The following MAP3K10 variants were observed in gnomAD, a reference collection of about 807,000 sequenced individuals.
MAP3K10 encodes the protein mitogen-activated protein kinase kinase kinase 10, also known as MKN28 derived nonreceptor_type serine/threonine kinase.
MAP3K10 carries 22 observed loss-of-function variants against 75.0 expected under a neutral mutation model. That is an observed-to-expected ratio of 0.29 (90% CI 0.21 to 0.42). The LOEUF (loss-of-function observed/expected upper bound fraction) is 0.42. Ranked by LOEUF, MAP3K10 falls within the 10% of genes least tolerant of loss-of-function variation. The pLI, the probability that MAP3K10 is intolerant of heterozygous loss-of-function variation, is 1.00. For synonymous variants in MAP3K10, 599 were observed against 612.9 expected (o/e 0.98, Z 0.34); for missense variants, 1,165 against 1,379.8 (o/e 0.84, Z 2.47).
intron 5 of MAP3K10, among the ~76,000 whole-genome samples, chr19:40,208,175 GTTT>G (rs1213821746): frequency 1.3e-5 from 2 of 151,122 alleles, no homozygotes; most frequent in Non-Finnish European, 3.0e-5. Context: ...TTTTGTTTTT[GTTT>G]TTGTTTTTTT....
Position 40,213,767 on chromosome 19 carries a change from G to T in MAP3K10, c.2088G>T (p.Ala696=). The T allele has an allele frequency of 1.7e-6, 2 of 1,148,912 alleles. No individual in the cohort carries two copies. Among genetic ancestry groups the T allele is most frequent in the Non-Finnish European group, 2.1e-6 (2 of 931,718 alleles). 71.2% of individuals were successfully genotyped at this position (1,148,912 alleles called of 1,614,324 possible). ...GLGADVAEAR[A]ADGEEQRRWL... ...GCGCCGACGTGGCCGAGGCGCGCGC[G>T]GCCGACGGTGAGGAGCAGCGGCGCT... Residue 696 remains alanine (A), a synonymous_variant, in exon 9 of 10, where the codon GCG becomes GCT. Coordinates refer to ENST00000253055, the MANE Select transcript of MAP3K10 (RefSeq NM_002446.4). This position sits in a 1 kb window ranked among gnomAD's most constrained non-coding sequence, Gnocchi z 5.7.
Position 40,204,081 on chromosome 19 carries a change from A to G in MAP3K10, c.864-404A>G, listed in dbSNP as rs1427926923. 1.3e-5 allele frequency among the ~76,000 whole-genome samples: 2 copies of G among 152,240 alleles called. No homozygotes were observed. The highest frequency in any genetic ancestry group is 1.9e-4 in the East Asian group (1 of 5,176). Reference sequence around the variant, plus strand: ...GCCAAGAAGGATGGATTTAGGTGGGATGCAGTGGCTCATGCCTGTAATCCC... The same window carrying G: ...GCCAAGAAGGATGGATTTAGGTGGGGTGCAGTGGCTCATGCCTGTAATCCC... On this transcript the variant is annotated intron_variant, in intron 2 of 9. Transcript: ENST00000253055. The surrounding 1 kb of genome is among the most constrained non-coding windows in gnomAD (Gnocchi z 4.3).
Position 40,198,303 on chromosome 19 carries a change from G to C in MAP3K10, c.683-72G>C. ...GAGGAAAGACGTGTTTCTAGCTGAG[G>C]CAGCGGGCCAGAACACTTGGGTCTG... is the stretch of plus-strand genomic sequence containing the variant. On this transcript the variant is annotated intron_variant, in intron 1 of 9. Transcript: ENST00000253055. This position sits in a 1 kb window ranked among gnomAD's most constrained non-coding sequence, Gnocchi z 4.3. 1 of 1,423,950 alleles carries C rather than the reference G, an allele frequency of 7.0e-7. No individual in the cohort carries two copies. Among genetic ancestry groups the C allele is most frequent in the East Asian group, 2.3e-5 (1 of 42,922 alleles). The allele number at this position is 1,423,950 out of a possible 1,614,324, so 88.2% of individuals were successfully genotyped here.
At chr19:40,203,445 TAG>T (rs1297666323) in intron 2 of MAP3K10, among the ~76,000 whole-genome samples, 2 of 152,062 alleles carry the variant, frequency 1.3e-5, no homozygotes, top group Non-Finnish European at 2.9e-5. Flanking sequence ...TGGGAGGATG[TAG>T]AGTTTGCAGA....
intron 2 of MAP3K10, among the ~76,000 whole-genome samples, chr19:40,202,307 T>G (rs767041140): frequency 6.6e-6 from 1 of 152,240 alleles, no homozygotes; most frequent in Non-Finnish European, 1.5e-5. Context: ...CCCAAAGTGC[T>G]GGGATTACAG....
In MAP3K10 at chr19:40,215,198, C is replaced by A; in HGVS notation, c.2771C>A (p.Pro924His). The change falls in exon 10 of 10, where the codon CCC (proline) becomes CAC (histidine). Residue 924 changes from proline to histidine, a missense_variant. Transcript: ENST00000253055. Reference protein sequence around the residue: ...SRPDTPESPGPPSVQPTLLDM... With the variant: ...SRPDTPESPGHPSVQPTLLDM... ...CCAGACACTCCGGAGAGCCCTGGGC[C>A]CCCCAGCGTGCAGCCCACACTGCTG... 2 of 1,584,828 alleles carry A rather than the reference C, an allele frequency of 1.3e-6. No homozygotes were observed. Among genetic ancestry groups the A allele is most frequent in the Non-Finnish European group, 1.7e-6 (2 of 1,166,466 alleles).
Position 40,213,416 on chromosome 19 carries a change from G to A in MAP3K10, c.1838-101G>A. 1 of 1,524,808 alleles carries A rather than the reference G, an allele frequency of 6.6e-7. No individual in the cohort carries two copies. Among genetic ancestry groups the A allele is most frequent in the Non-Finnish European group, 8.8e-7 (1 of 1,141,190 alleles). 94.5% of individuals were successfully genotyped at this position (1,524,808 alleles called of 1,614,324 possible). ...TCAAGAACGATGCTCGTGGGTCTTG[G>A]TCTTGCTGTTGGAGGGGTCATCGGG... is the stretch of plus-strand genomic sequence containing the variant. On this transcript the variant is annotated intron_variant, in intron 8 of 9. Transcript: ENST00000253055. The surrounding 1 kb of genome is among the most constrained non-coding windows in gnomAD (Gnocchi z 5.7).
intron 2 of MAP3K10, among the ~76,000 whole-genome samples, chr19:40,199,821 A>G (rs1285497665): frequency 6.6e-6 from 1 of 152,154 alleles, no homozygotes; most frequent in Non-Finnish European, 1.5e-5. Context: ...ATGTATATGA[A>G]AAAGAAATTT....
chr19:40,202,251 A>G (rs533358529), intron 2 of MAP3K10, among the ~76,000 whole-genome samples: 2 of 152,210 alleles, frequency 1.3e-5, no homozygotes, highest in African/African-American at 4.8e-5. Flanking sequence ...CGTGCTAGCC[A>G]GGATGGTCTC....
rs773397611 is a variant in MAP3K10 at position 40,204,460 on chromosome 19, A to G, written c.864-25A>G. The G allele has an allele frequency of 6.2e-7, 1 of 1,603,466 alleles. No individual in the cohort carries two copies. The highest frequency in any genetic ancestry group is 1.7e-5 in the Admixed American group (1 of 59,738). ...GAGGATTGGGGTGGGCTGCGACATC[A>G]CCCCTCCCTCTCCCCTGCCTGCAGC... On this transcript the variant is annotated intron_variant, in intron 2 of 9. Transcript: ENST00000253055. This position sits in a 1 kb window ranked among gnomAD's most constrained non-coding sequence, Gnocchi z 4.3.
In MAP3K10 at chr19:40,215,429, G is replaced by A; in HGVS notation, c.*137G>A. ...TTATTGGGGAAGGAGGGAGGGGGGG[G>A]ACACTTAACTTATTCCTTTGTACCC... On this transcript the variant is annotated 3_prime_UTR_variant, in exon 10 of 10. Transcript: ENST00000253055. The A allele has an allele frequency of 1.2e-6, 1 of 805,958 alleles. No individual in the cohort carries two copies. Among genetic ancestry groups the A allele is most frequent in the South Asian group, 1.8e-5 (1 of 55,392 alleles). 49.9% of individuals were successfully genotyped at this position (805,958 alleles called of 1,614,324 possible).
intron 6 of MAP3K10, among the ~76,000 whole-genome samples, chr19:40,210,852 T>TAG (rs1973226162): frequency 6.6e-6 from 1 of 152,170 alleles, no homozygotes; most frequent in Non-Finnish European, 1.5e-5. Context: ...CTCTTTTTGT[T>TAG]CTGTCTGGGC....
At position 40,198,417 on chromosome 19, in the gene MAP3K10, C is replaced by A. The variant is rs370149563; in HGVS notation, c.725C>A (p.Thr242Lys). 1.9e-6 allele frequency: 3 copies of A among 1,614,074 alleles called. No homozygotes were observed. The highest frequency in any genetic ancestry group is 1.3e-5 in the African/African-American group (1 of 75,058). Residue 242 changes from threonine to lysine, a missense_variant, in exon 2 of 10, where the codon ACG becomes AAG. Transcript: ENST00000253055. The surrounding 1 kb of genome is among the most constrained non-coding windows in gnomAD (Gnocchi z 4.3). The part of the protein sequence containing the change: ...EAIENHNLAD[T>K]VLKITDFGLA... ...ATCGAGAACCACAACCTCGCAGACA[C>A]GGTGCTCAAGATCACGGACTTCGGC...
intron 5 of MAP3K10, among the ~76,000 whole-genome samples, chr19:40,208,865 C>G (rs1279910530): frequency 1.3e-5 from 2 of 152,100 alleles, no homozygotes. Flanking sequence ...CAGTCCATTG[C>G]TGAGCCTCAC....
rs1599908595 is a variant in MAP3K10, at chr19:40,205,803, G to T, written c.1189-108G>T. On this transcript the variant is annotated intron_variant, in intron 4 of 9. Transcript: ENST00000253055. This position sits in a 1 kb window ranked among gnomAD's most constrained non-coding sequence, Gnocchi z 4.3. ...GGTGGTGAAACCAGTGTACCCCACA[G>T]CAAGGTACCCTTGTGTGAGGCACCA... 3.2e-6 allele frequency: 4 copies of T among 1,246,748 alleles called. No homozygotes were observed. Among genetic ancestry groups the T allele is most frequent in the South Asian group, 1.6e-5 (1 of 61,952 alleles). The allele number at this position is 1,246,748 out of a possible 1,614,324, so 77.2% of individuals were successfully genotyped here. A position where few individuals can be genotyped will look rare whatever the true frequency, so the allele number is the denominator to read the frequency against.
intron 2 of MAP3K10, among the ~76,000 whole-genome samples, chr19:40,202,166 G>A (rs1423968565): frequency 1.3e-5 from 2 of 151,824 alleles, no homozygotes; most frequent in African/African-American, 2.4e-5. Context: ...TCAGCCTCCC[G>A]AGTAGCTGGG....
rs188474873 is a variant in MAP3K10 at position 40,209,913 on chromosome 19, C to A, written c.1552+694C>A. On this transcript the variant is annotated intron_variant, in intron 6 of 9. Transcript: ENST00000253055. ...TTGGGAGGATGAAGTGGGAGGATTG[C>A]TTGAGCCTAGGAGTTCGACACCAGC... Among the ~76,000 whole-genome samples the A allele has an allele frequency of 7.3e-4, 111 of 152,152 alleles. 2 individuals are homozygous for A. The highest frequency in any genetic ancestry group is 1.8e-4 in the Non-Finnish European group (12 of 67,992).
intron 1 of MAP3K10, among the ~76,000 whole-genome samples, chr19:40,196,526 TTTA>T (rs1431141676): frequency 3.9e-5 from 6 of 152,146 alleles, no homozygotes; most frequent in African/African-American, 1.2e-4. Flanking sequence ...TATTTATTTA[TTTA>T]TTTCATTGAG....
Position 40,213,932 on chromosome 19 carries a change from C to G in MAP3K10, c.2253C>G (p.Ser751=). The stretch of plus-strand genomic sequence containing the variant: ...CGGCCACCCTCGTGTCGCTGTCGTC[C>G]GTGTCCGACTGCAACTCCACGCGTT... The part of the protein sequence containing the change: ...APSATLVSLS[S]VSDCNSTRSL... Residue 751 remains serine (S), a synonymous_variant, in exon 9 of 10, where the codon TCC becomes TCG. Coordinates refer to ENST00000253055, the MANE Select transcript of MAP3K10 (RefSeq NM_002446.4). This position sits in a 1 kb window ranked among gnomAD's most constrained non-coding sequence, Gnocchi z 5.7. The G allele has an allele frequency of 2.6e-6, 4 of 1,527,768 alleles. No homozygotes were observed. Among genetic ancestry groups the G allele is most frequent in the Non-Finnish European group, 3.5e-6 (4 of 1,145,416 alleles). 94.6% of individuals were successfully genotyped at this position (1,527,768 alleles called of 1,614,324 possible).
Sources: allele counts gnomAD v4.1 joint callset (sites outside exome capture counted in the v4.1 genomes callset), GRCh38; gene constraint gnomAD v4.1.1; non-coding constraint Gnocchi (gnomAD v3.1); transcripts MANE v1.5; gene names NCBI Gene and HGNC (gene_info 2026-07-23, HGNC 2026-07-21).